The following ERICH6 variants were observed in gnomAD, a reference collection of about 807,000 sequenced individuals.
The protein encoded by ERICH6 is glutamate-rich protein 6.
A neutral mutation model predicts 71.0 loss-of-function variants in ERICH6; 71 were observed. That is an observed-to-expected ratio of 1.00 (90% confidence interval 0.83 to 1.22). The LOEUF is 1.22. ERICH6 is among the 50% of genes most tolerant of loss of function. The pLI, the probability that ERICH6 is intolerant of heterozygous loss-of-function variation, is 0.00. For missense variants in ERICH6, 808 were observed against 797.2 expected, an observed-to-expected ratio of 1.01 and a Z score of -0.16; for synonymous variants, 262 against 278.4, an observed-to-expected ratio of 0.94 and a Z score of 0.59.
chr3:150,693,237 A>G (rs1712521290), intron 3 of ERICH6, among the ~76,000 whole-genome samples: 1 of 152,188 alleles, frequency 6.6e-6, no homozygotes, highest in Admixed American at 6.5e-5. Context: ...GTGCAATAAG[A>G]ATCTGTTTTC....
chr3:150,682,262 C>T lies in ERICH6; in HGVS notation c.838G>A (p.Ala280Thr). 2 of 1,613,844 alleles carry T rather than the reference C, an allele frequency of 1.2e-6. No individual in the cohort carries two copies. Among genetic ancestry groups the T allele is most frequent in the South Asian group, 2.2e-5 (2 of 91,080 alleles). ...GAAACATCCACATTAGAAAAAAATG[C>T]TCTTAGATCGCTGCCACAAAATTCA... Reference protein sequence around the residue: ...KCEFCGSDLRAFFSNVDVSSE... With the variant: ...KCEFCGSDLRTFFSNVDVSSE... Residue 280 changes from alanine (A) to threonine (T), a missense_variant, in exon 7 of 14, where the codon GCA (alanine) becomes ACA (threonine). Transcript: ENST00000295910.
Position 150,660,041 on chromosome 3 carries a change from T to G in ERICH6, c.1843A>C (p.Asn615His). The change falls in exon 14 of 14, where the codon AAT becomes CAT. Residue 615 changes from asparagine to histidine, a missense_variant. Around this residue, in one of 3 missense-constraint regions of ERICH6, gnomAD observed 736 missense variants for 712.2 expected, o/e 1.03. Transcript: ENST00000295910. Reference sequence around the variant, plus strand: ...TCCCAAACCTGGCTTGAGGGAAAATTCACACATCCTTCAAGTTTATGAAAC... The same window carrying G: ...TCCCAAACCTGGCTTGAGGGAAAATGCACACATCCTTCAAGTTTATGAAAC... ...RLFHKLEGCV[N>H]FPSSQVWEKL... 1.2e-6 allele frequency: 2 copies of G among 1,614,102 alleles called. No individual in the cohort carries two copies. The highest frequency in any genetic ancestry group is 1.7e-6 in the Non-Finnish European group (2 of 1,180,022).
At chr3:150,698,129 C>T (rs903072613) in intron 3 of ERICH6, among the ~76,000 whole-genome samples, 2 of 152,180 alleles carry the variant, frequency 1.3e-5, no homozygotes, top group African/African-American at 4.8e-5. Flanking sequence ...TACTTTTCTT[C>T]TTAGCACTTA....
At chr3:150,670,295 C>T (rs1349376820) in intron 11 of ERICH6, among the ~76,000 whole-genome samples, 1 of 151,748 alleles carries the variant, frequency 6.6e-6, no homozygotes, top group African/African-American at 2.4e-5. Flanking sequence ...TCATCCTTGC[C>T]AACATGGTGA....
chr3:150,663,675 AC>A (rs1408837226), intron 13 of ERICH6, among the ~76,000 whole-genome samples: 2 of 152,106 alleles, frequency 1.3e-5, no homozygotes, highest in Admixed American at 1.3e-4. Flanking sequence ...ATCGGGTCTC[AC>A]TATGTTGCCC....
chr3:150,694,579 C>T (rs1455989849), intron 3 of ERICH6, among the ~76,000 whole-genome samples: 3 of 152,182 alleles, frequency 2.0e-5, no homozygotes, highest in African/African-American at 7.2e-5. Flanking sequence ...ACGTGGATTA[C>T]CACTTCGTTC....
chr3:150,699,735 A>C (rs575185350), intron 2 of ERICH6, among the ~76,000 whole-genome samples: 48 of 149,928 alleles, frequency 3.2e-4, no homozygotes, highest in Admixed American at 6.6e-4. Context: ...AAAAAAAAAA[A>C]CACAAAAAAC....
At chr3:150,661,577 A>G (rs746926302) in intron 13 of ERICH6, among the ~76,000 whole-genome samples, 4 of 152,236 alleles carry the variant, frequency 2.6e-5, no homozygotes, top group Non-Finnish European at 5.9e-5. Flanking sequence ...ATATATCCAT[A>G]TTTATATAGT....
At chr3:150,695,062 C>T (rs1207746547) in intron 3 of ERICH6, among the ~76,000 whole-genome samples, 1 of 152,188 alleles carries the variant, frequency 6.6e-6, no homozygotes, top group Non-Finnish European at 1.5e-5. Flanking sequence ...TCCTCATGAC[C>T]TAATTATCTC....
intron 3 of ERICH6, among the ~76,000 whole-genome samples, chr3:150,697,163 T>C (rs568476715): frequency 4.0e-5 from 6 of 149,234 alleles, no homozygotes; most frequent in African/African-American, 1.5e-4. Flanking sequence ...ATACCATTCA[T>C]GTAAATAACA....
chr3:150,671,078 A>G (rs1711499851), intron 11 of ERICH6, among the ~76,000 whole-genome samples: 1 of 152,118 alleles, frequency 6.6e-6, no homozygotes, highest in Non-Finnish European at 1.5e-5. Flanking sequence ...TAGGCAACAT[A>G]ATAGGATTCT....
At chr3:150,673,150 C>T (rs551071774) in intron 11 of ERICH6, among the ~76,000 whole-genome samples, 2 of 150,652 alleles carry the variant, frequency 1.3e-5, no homozygotes, top group East Asian at 1.9e-4. Flanking sequence ...TCCTTCCTTC[C>T]TCCCTCCCTT....
chr3:150,699,723 C>A (rs199641695), intron 2 of ERICH6, among the ~76,000 whole-genome samples: 4,371 of 136,610 alleles, frequency 0.032, 246 homozygotes, highest in African/African-American at 0.11. Flanking sequence ...GAGATAAAAA[C>A]AAAAAAAAAA....
intron 13 of ERICH6, among the ~76,000 whole-genome samples, chr3:150,665,380 A>G (rs954554812): frequency 5.8e-4 from 88 of 151,842 alleles, no homozygotes; most frequent in African/African-American, 2.1e-3. Context: ...CAGGCCTTAC[A>G]TGGTGGTGTG....
At chr3:150,695,542 C>T (rs901729939) in intron 3 of ERICH6, among the ~76,000 whole-genome samples, 19 of 151,880 alleles carry the variant, frequency 1.3e-4, no homozygotes, top group African/African-American at 4.6e-4. Context: ...GTGGCTCATG[C>T]CTGTAATCCC....
intron 1 of ERICH6, among the ~76,000 whole-genome samples, chr3:150,702,403 A>G (rs188113556): frequency 8.9e-4 from 134 of 151,320 alleles, no homozygotes; most frequent in Admixed American, 2.0e-3. Flanking sequence ...CAGCCTCCCA[A>G]GTAGCTGGGA....
chr3:150,687,041 G>C (rs1002857032), intron 3 of ERICH6, among the ~76,000 whole-genome samples: 3 of 152,310 alleles, frequency 2.0e-5, no homozygotes, highest in Non-Finnish European at 2.9e-5. Context: ...TGTGCTGACA[G>C]GCACCTGTAG....
intron 11 of ERICH6, among the ~76,000 whole-genome samples, chr3:150,673,032 C>T (rs540103319): frequency 2.9e-4 from 44 of 152,092 alleles, no homozygotes; most frequent in Non-Finnish European, 5.0e-4. Context: ...CTTAAAAAAA[C>T]AATAGTAATA....
Position 150,659,971 on chromosome 3 carries a change from A to C in ERICH6, c.1913T>G (p.Leu638Arg). The part of the protein sequence containing the change: ...PSYLSSLSLK[L>R]IALCHSSGIK... ...ACCAGAACTGTGACAAAGGGCAATT[A>C]GTTTTAGAGAAAGTGAAGAAAGGTA... Residue 638 changes from leucine (L) to arginine (R), a missense_variant, in exon 14 of 14, where the codon CTA (leucine) becomes CGA (arginine). This residue lies in a region of ERICH6 where 736 missense variants were observed against 712.2 expected (regional missense o/e 1.03). Coordinates refer to ENST00000295910, the MANE Select transcript of ERICH6 (RefSeq NM_152394.5). The C allele has an allele frequency of 6.2e-7, 1 of 1,614,188 alleles. No homozygotes were observed. The highest frequency in any genetic ancestry group is 1.1e-5 in the South Asian group (1 of 91,086).
Sources: gnomAD v4.1 joint callset for allele counts (sites outside exome capture counted in the v4.1 genomes callset) on GRCh38, gnomAD v4.1.1 for gene constraint, gnomAD v4.1.1 regional missense constraint, MANE v1.5 for transcripts, NCBI Gene and HGNC (gene_info 2026-07-23, HGNC 2026-07-21) for gene names.